The following CD36 variants were observed in gnomAD, a reference collection of about 807,000 sequenced individuals.
CD36 encodes the protein CD36 molecule (CD36 blood group), also known as platelet glycoprotein 4.
A neutral mutation model predicts 55.2 loss-of-function variants in CD36; 119 were observed. The observed-to-expected ratio is 2.15, with a 90% CI of 1.86 to 2.51. CD36 has a LOEUF of 2.51. Ranked by LOEUF, CD36 falls within the 30% of genes most tolerant of loss-of-function variation. CD36 has a pLI of 0.00. For synonymous variants in CD36, 186 were observed against 193.6 expected (o/e 0.96, Z 0.33); for missense variants, 819 against 555.5 (o/e 1.47, Z -4.77).
chr7:80,666,760 GAAGT>G (rs1797131059), intron 8 of CD36, among the ~76,000 whole-genome samples: 1 of 152,188 alleles, frequency 6.6e-6, no homozygotes, highest in Non-Finnish European at 1.5e-5. Flanking sequence ...CCTGGCAACA[GAAGT>G]AAATGGTAAA....
intron 1 of CD36, among the ~76,000 whole-genome samples, chr7:80,629,720 G>C (rs1793962378): frequency 6.6e-6 from 1 of 152,012 alleles, no homozygotes; most frequent in Non-Finnish European, 1.5e-5. Flanking sequence ...TCAGTTAACT[G>C]AGATGGCTCA....
At chr7:80,639,978 G>T (rs1183013753) in intron 1 of CD36, 1 of 151,924 alleles carries the variant, frequency 6.6e-6, no homozygotes, top group Non-Finnish European at 1.5e-5. Context: ...GGAAGTTATA[G>T]TTGCCACCCT....
chr7:80,635,871 A>G (rs1794365259), upstream of CD36, among the ~76,000 whole-genome samples: 1 of 152,136 alleles, frequency 6.6e-6, no homozygotes, highest in Non-Finnish European at 1.5e-5. Context: ...GTAAAGCATT[A>G]TGATGGTTAT....
At chr7:80,653,153 C>T (rs1273449911) in intron 3 of CD36, among the ~76,000 whole-genome samples, 5 of 152,192 alleles carry the variant, frequency 3.3e-5, no homozygotes, top group Middle Eastern at 3.4e-3. Context: ...AGGGAAGAAG[C>T]CACTATACCT....
chr7:80,627,087 C>G (rs1313534124), intron 1 of CD36, among the ~76,000 whole-genome samples: 1 of 151,972 alleles, frequency 6.6e-6, no homozygotes, highest in African/African-American at 2.4e-5. Context: ...GGCATTTATG[C>G]ATTTTGTTTT....
Position 80,661,136 on chromosome 7 carries a change from G to A in CD36, c.355G>A (p.Gly119Ser). 1 of 1,613,882 alleles carries A rather than the reference G, an allele frequency of 6.2e-7. No homozygotes were observed. Among genetic ancestry groups the A allele is most frequent in the Non-Finnish European group, 8.5e-7 (1 of 1,179,818 alleles). Reference sequence around the variant, plus strand: ...CACAGTCTCTTTCCTGCAGCCCAATGGTGCCATCTTCGAACCTTCACTATC... The same window carrying A: ...CACAGTCTCTTTCCTGCAGCCCAATAGTGCCATCTTCGAACCTTCACTATC... ...DNTVSFLQPN[G>S]AIFEPSLSVG... The change falls in exon 5 of 15, where the codon GGT (glycine) becomes AGT (serine). Residue 119 changes from glycine to serine, a missense_variant. Physicochemically the swap from Gly to Ser is moderately conservative, Grantham distance 56. Transcript: ENST00000447544.
intron 7 of CD36, 83 bp downstream of exon 7, chr7:80,664,580 A>G (rs1584433087): frequency 3.7e-6 from 3 of 818,282 alleles, no homozygotes; most frequent in Non-Finnish European, 6.5e-6. Context: ...CTCATAAGAC[A>G]TAGGCATCAA....
intron 1 of CD36, among the ~76,000 whole-genome samples, chr7:80,643,676 C>T (rs143834933): frequency 6.9e-4 from 105 of 152,232 alleles, no homozygotes; most frequent in African/African-American, 2.4e-3. Context: ...ACCTAATGCA[C>T]TTCCACGTAA....
chr7:80,603,118 T>A (rs1426087089), intron 1 of CD36, among the ~76,000 whole-genome samples: 1 of 152,126 alleles, frequency 6.6e-6, no homozygotes, highest in African/African-American at 2.4e-5. Flanking sequence ...TTATATGGTG[T>A]GTTTCATAAT....
At position 80,678,002 on chromosome 7, in the gene CD36, G is replaced by T. The variant is rs931129915; in HGVS notation, c.*1619G>T. On this transcript the variant is annotated 3_prime_UTR_variant, in exon 15 of 15. Coordinates refer to ENST00000447544, the MANE Select transcript of CD36 (RefSeq NM_001001548.3). ...AGAGGAAAGACAATTCATATACAAA[G>T]ACAACGAGATTAAAAATATGCAGTA... 3 of 151,994 alleles carry T rather than the reference G, an allele frequency of 2.0e-5. No individual in the cohort carries two copies. Among genetic ancestry groups the T allele is most frequent in the African/African-American group, 7.3e-5 (3 of 41,354 alleles). The allele number at this position is 151,994 out of a possible 1,614,324, so 9.4% of individuals were successfully genotyped here.
rs576577428 is a variant in CD36 at position 80,673,768 on chromosome 7, A to C, written c.1255-215A>C. Reference sequence around the variant, plus strand: ...ACTGTTGACCCTTTGATAGTTCTGAAGAGCAAATGAATCCTAGTACATTGA... The same window carrying C: ...ACTGTTGACCCTTTGATAGTTCTGACGAGCAAATGAATCCTAGTACATTGA... On this transcript the variant is annotated intron_variant, in intron 13 of 14. Transcript: ENST00000447544. The C allele has an allele frequency of 2.9e-5, 17 of 591,974 alleles. No homozygotes were observed. The African/African-American group carries it at 3.2e-4, about 11-fold the overall frequency. The allele number at this position is 591,974 out of a possible 1,614,324, so 36.7% of individuals were successfully genotyped here. A position where few individuals can be genotyped will look rare whatever the true frequency, so the allele number is the denominator to read the frequency against.
intron 1 of CD36, among the ~76,000 whole-genome samples, chr7:80,621,963 C>A (rs1317952169): frequency 6.6e-6 from 1 of 152,188 alleles, no homozygotes; most frequent in African/African-American, 2.4e-5. Flanking sequence ...GATCCCCACC[C>A]TTCACCTATT....
chr7:80,610,394 G>A (rs1195819564), intron 1 of CD36, among the ~76,000 whole-genome samples: 1 of 151,906 alleles, frequency 6.6e-6, no homozygotes. Context: ...GGGTAATTTA[G>A]CTTCCTAATA....
At chr7:80,661,410 A>T (rs1402883651) in intron 5 of CD36, among the ~76,000 whole-genome samples, 200 bp downstream of exon 5, 2 of 152,078 alleles carry the variant, frequency 1.3e-5, no homozygotes, top group Admixed American at 1.3e-4. Context: ...AGACCACTTT[A>T]TTTTTTTCAT....
intron 1 of CD36, among the ~76,000 whole-genome samples, chr7:80,619,891 G>A (rs1398679990): frequency 3.3e-5 from 5 of 152,196 alleles, no homozygotes; most frequent in African/African-American, 1.2e-4. Context: ...AACTATAGAT[G>A]TGGTGAAAAT....
chr7:80,641,581 C>T (rs1307921312), intron 1 of CD36, among the ~76,000 whole-genome samples: 2 of 151,968 alleles, frequency 1.3e-5, no homozygotes, highest in Admixed American at 6.6e-5. Flanking sequence ...GAAATTTTAG[C>T]AATCTACTGA....
chr7:80,615,582 A>G (rs975837473), intron 1 of CD36, among the ~76,000 whole-genome samples: 3 of 152,172 alleles, frequency 2.0e-5, no homozygotes, highest in African/African-American at 7.2e-5. Flanking sequence ...CAAAATCACA[A>G]TCTATTCAAG....
intron 9 of CD36, 45 bp from the exon 10 acceptor site, chr7:80,670,925 CAGAATGT>C: frequency 8.2e-7 from 1 of 1,222,614 alleles, no homozygotes. Flanking sequence ...AATGAATCTC[CAGAATGT>C]AAGTTCAGGT....
At chr7:80,654,125 G>A (rs1014930183) in intron 3 of CD36, among the ~76,000 whole-genome samples, 1 of 152,118 alleles carries the variant, frequency 6.6e-6, no homozygotes, top group Non-Finnish European at 1.5e-5. Flanking sequence ...TAAGGGAAAA[G>A]TGATTTGTGG....
Sources: allele counts gnomAD v4.1 joint callset (sites outside exome capture counted in the v4.1 genomes callset), GRCh38; gene constraint gnomAD v4.1.1; transcripts MANE v1.5; gene names NCBI Gene and HGNC (gene_info 2026-07-23, HGNC 2026-07-21).